Variants in DST observed in about 807,000 individuals in gnomAD.
DST encodes bullous pemphigoid antigen.
Under a neutral mutation model 875.2 loss-of-function variants are expected in DST, and 253 were observed. The ratio of observed to expected loss-of-function variants is 0.29; its 90% CI spans 0.26 to 0.32. The LOEUF (loss-of-function observed/expected upper bound fraction) is 0.32, where lower values mean the gene tolerates loss of function less well. Ranked by LOEUF, DST falls within the 10% of genes least tolerant of loss-of-function variation. The probability of loss-of-function intolerance (pLI) is 1.00; values close to 1 mark genes in which losing one functional copy is unlikely to be tolerated. For missense variants in DST, 8,287 were observed against 9,111.6 expected (o/e 0.91, Z 3.68); for synonymous variants, 3,124 against 3,197.1 (o/e 0.98, Z 0.77).
rs1158603940 is a variant in DST at position 56,527,342 on chromosome 6, T to G, written c.17922+151A>C. 5 of 941,912 alleles carry G rather than the reference T, an allele frequency of 5.3e-6. No individual in the cohort carries two copies. The East Asian group carries it at 8.0e-5, about 15-fold the overall frequency. The allele number at this position is 941,912 out of a possible 1,614,324, so 58.3% of individuals were successfully genotyped here. On this transcript the variant is annotated intron_variant, in intron 68 of 103. Transcript: ENST00000680361. Reference sequence around the variant, plus strand: ...TCTGGGCTCCTAAAACTTTAAACAGTTGATCTGCTGCCAATTTCTATTGGG... The same window carrying G: ...TCTGGGCTCCTAAAACTTTAAACAGGTGATCTGCTGCCAATTTCTATTGGG...
chr6:56,762,510 T>G (rs1183613754), intron 4 of DST, among the ~76,000 whole-genome samples: 1 of 152,244 alleles, frequency 6.6e-6, no homozygotes, highest in Non-Finnish European at 1.5e-5. Flanking sequence ...CAATTCGTAC[T>G]GCATCCCTTG....
At chr6:56,659,300 C>T (rs768438394) in intron 10 of DST, among the ~76,000 whole-genome samples, 10 of 152,166 alleles carry the variant, frequency 6.6e-5, no homozygotes, top group South Asian at 2.1e-4. Flanking sequence ...TGAGAGACAA[C>T]ACAGAGAGAA....
At chr6:56,708,205 T>C (rs184166993) in intron 5 of DST, among the ~76,000 whole-genome samples, 7 of 151,950 alleles carry the variant, frequency 4.6e-5, no homozygotes, top group Admixed American at 3.9e-4. Context: ...GGCTTCAGGG[T>C]TTTTTTTATC....
chr6:56,661,790 G>A (rs1345804580), intron 10 of DST, among the ~76,000 whole-genome samples: 1 of 152,144 alleles, frequency 6.6e-6, no homozygotes, highest in African/African-American at 2.4e-5. Flanking sequence ...GTTTCTCCAT[G>A]TTGGCCAGGA....
At chr6:56,602,820 T>G in intron 43 of DST, 62 bp downstream of exon 43, 1 of 1,245,568 alleles carries the variant, frequency 8.0e-7, no homozygotes, top group Non-Finnish European at 1.1e-6. Flanking sequence ...TTCTAAACAC[T>G]TGTTATATAT....
intron 3 of DST, among the ~76,000 whole-genome samples, chr6:56,859,354 T>A (rs936058707): frequency 6.6e-5 from 10 of 152,118 alleles, no homozygotes; most frequent in Non-Finnish European, 1.5e-5. Context: ...AAATACAAAA[T>A]TTTTCTAAAA....
intron 3 of DST, among the ~76,000 whole-genome samples, chr6:56,876,456 C>T (rs1466519142): frequency 1.3e-5 from 2 of 152,174 alleles, no homozygotes; most frequent in Non-Finnish European, 2.9e-5. Flanking sequence ...CTCTCTCACT[C>T]CTCTTCAAGC....
chr6:56,941,474 C>T (rs1311478170), intron 2 of DST, among the ~76,000 whole-genome samples: 1 of 151,704 alleles, frequency 6.6e-6, no homozygotes, highest in Non-Finnish European at 1.5e-5. Flanking sequence ...TATGGTGTTT[C>T]TTTACAAATA....
intron 3 of DST, among the ~76,000 whole-genome samples, chr6:56,853,756 C>T (rs894325494): frequency 2.0e-5 from 3 of 152,046 alleles, no homozygotes; most frequent in Admixed American, 6.6e-5. Flanking sequence ...CACCATTAAT[C>T]ACTCATAGCC....
chr6:56,487,052 G>A (rs926932020), intron 87 of DST, 52 bp downstream of exon 87: 7 of 1,566,838 alleles, frequency 4.5e-6, no homozygotes, highest in Non-Finnish European at 6.1e-6. Flanking sequence ...CCATTACTGT[G>A]TATTTGAAAG....
rs140596123 is a variant in DST at position 56,480,163 on chromosome 6, A to G, written c.21531+1887T>C. Reference sequence around the variant, plus strand: ...GACCTTTTATTTACAAGTTTACTATAATGGAGTCAACGTTCAATTGACAGC... The same window carrying G: ...GACCTTTTATTTACAAGTTTACTATGATGGAGTCAACGTTCAATTGACAGC... On this transcript the variant is annotated intron_variant, in intron 90 of 103. Coordinates refer to ENST00000680361, the MANE Select transcript of DST (RefSeq NM_001374736.1). 8.9e-3 allele frequency among the ~76,000 whole-genome samples: 1,353 copies of G among 152,340 alleles called. 21 individuals carry two copies. Among genetic ancestry groups the G allele is most frequent in the African/African-American group, 0.031 (1,303 of 41,576 alleles).
At chr6:56,642,566 T>C (rs1158682370) in intron 15 of DST, 63 bp from the exon 16 acceptor site, 18 of 1,610,356 alleles carry the variant, frequency 1.1e-5, no homozygotes, top group Admixed American at 1.7e-5. Context: ...TCACCATTCC[T>C]GAAAAGTGCT....
intron 4 of DST, among the ~76,000 whole-genome samples, chr6:56,812,079 G>C (rs1457371027): frequency 1.9e-5 from 2 of 103,248 alleles, no homozygotes; most frequent in Non-Finnish European, 4.2e-5. Flanking sequence ...TCCAGCCTGG[G>C]CAACAGAAAG....
chr6:56,641,909 C>A, intron 17 of DST, 38 bp downstream of exon 17: 1 of 1,534,562 alleles, frequency 6.5e-7, no homozygotes, highest in Non-Finnish European at 8.8e-7. Flanking sequence ...AACAGTTACA[C>A]AAAAAAAGGA....
chr6:56,621,095 C>A (rs901511722), intron 36 of DST, among the ~76,000 whole-genome samples: 2 of 152,218 alleles, frequency 1.3e-5, no homozygotes, highest in African/African-American at 4.8e-5. Flanking sequence ...ATAAAACTCT[C>A]ACGACGGTGC....
intron 59 of DST, among the ~76,000 whole-genome samples, chr6:56,556,914 T>C (rs2097430252): frequency 6.6e-6 from 1 of 152,220 alleles, no homozygotes; most frequent in Non-Finnish European, 1.5e-5. Context: ...AGTTTCATTA[T>C]CTACTACCAC....
chr6:56,604,475 A>T lies in DST; in HGVS notation c.10153T>A (p.Leu3385Ile). Residue 3385 changes from leucine (L) to isoleucine (I), a missense_variant, in exon 40 of 104, where the codon TTA becomes ATA. Leu to Ile is a conservative substitution (Grantham distance 5). Around this residue, in one of 10 missense-constraint regions of DST, gnomAD observed 3,138 missense variants for 3,116.6 expected, o/e 1.01. Transcript: ENST00000680361. ...ATCCTTTTAATTAAATTTTGAATTA[A>T]AATTTTAGTGTCTGCACAGGCTGAA... ...EPSACADTKI[L>I]IQNLIKRITT... 1 of 1,611,640 alleles carries T rather than the reference A, an allele frequency of 6.2e-7. No homozygotes were observed.
intron 89 of DST, 64 bp downstream of exon 89, chr6:56,482,619 T>A (rs1582721608): frequency 6.6e-7 from 1 of 1,521,722 alleles, no homozygotes; most frequent in African/African-American, 1.4e-5. Flanking sequence ...TTTACTAGAA[T>A]AGTTCTTGTT....
chr6:56,821,891 TACCATC>T (rs941347789), intron 4 of DST, among the ~76,000 whole-genome samples: 17 of 152,278 alleles, frequency 1.1e-4, no homozygotes, highest in African/African-American at 3.9e-4. Flanking sequence ...TTCCCTGCTA[TACCATC>T]ACCAAGCTCA....
Sources: gnomAD v4.1 joint callset for allele counts (sites outside exome capture counted in the v4.1 genomes callset) on GRCh38, gnomAD v4.1.1 for gene constraint, gnomAD v4.1.1 regional missense constraint, MANE v1.5 for transcripts, NCBI Gene and HGNC (gene_info 2026-07-23, HGNC 2026-07-21) for gene names.